The following DCDC1 variants were observed in gnomAD, a reference collection of about 807,000 sequenced individuals.
DCDC1 encodes doublecortin domain containing 1, also known as doublecortin domain-containing protein 1.
Under a neutral mutation model 178.3 loss-of-function variants are expected in DCDC1, and 200 were observed. That is an observed-to-expected ratio of 1.12 (90% CI 1.00 to 1.26). The LOEUF (loss-of-function observed/expected upper bound fraction) is 1.26, where lower values mean the gene tolerates loss of function less well. Ranked by LOEUF, DCDC1 falls within the 50% of genes most tolerant of loss-of-function variation. The pLI is 0.00. For synonymous variants in DCDC1, 690 were observed against 604.8 expected (o/e 1.14, Z -2.07); for missense variants, 1,983 against 1,749.2 (o/e 1.13, Z -2.38).
At chr11:31,054,522 G>A (rs756929741) in intron 20 of DCDC1, among the ~76,000 whole-genome samples, 5 of 152,156 alleles carry the variant, frequency 3.3e-5, no homozygotes, top group East Asian at 1.9e-4. Context: ...AAAAGAGCCC[G>A]TATAGCCAAA....
rs1320189230 is a variant in DCDC1, at chr11:30,888,098, A to G, written c.5082+4720T>C. Among the ~76,000 whole-genome samples the G allele has an allele frequency of 8.9e-3, 940 of 105,330 alleles. 17 individuals are homozygous for G. The highest frequency in any genetic ancestry group is 0.032 in the African/African-American group (869 of 26,762). 69.1% of individuals were successfully genotyped at this position (105,330 alleles called of 152,430 possible). ...AGAGAGAGAGAGAAAGAAAGAAAGA[A>G]AAAGAAAGAAAGAAAGAAAGAAAGA... On this transcript the variant is annotated intron_variant, in intron 36 of 38. Coordinates refer to ENST00000684477, the MANE Select transcript of DCDC1 (RefSeq NM_001387274.1).
chr11:31,028,416 T>C (rs1482161616), intron 20 of DCDC1, among the ~76,000 whole-genome samples: 1 of 151,986 alleles, frequency 6.6e-6, no homozygotes, highest in Admixed American at 6.6e-5. Context: ...TTCTTCTCAC[T>C]ATGCACTCCC....
chr11:31,149,764 T>C (rs1368331079), intron 9 of DCDC1, among the ~76,000 whole-genome samples: 1 of 150,782 alleles, frequency 6.6e-6, no homozygotes, highest in Non-Finnish European at 1.5e-5. Flanking sequence ...GTGGCTTCAC[T>C]CCAGAAGTCA....
intron 7 of DCDC1, among the ~76,000 whole-genome samples, chr11:31,281,782 G>C (rs1946451995): frequency 6.6e-6 from 1 of 152,102 alleles, no homozygotes; most frequent in Non-Finnish European, 1.5e-5. Flanking sequence ...TCTCCCTCTT[G>C]CCACCACCAT....
chr11:31,078,335 G>A (rs893179769), intron 17 of DCDC1, among the ~76,000 whole-genome samples: 1 of 152,148 alleles, frequency 6.6e-6, no homozygotes, highest in African/African-American at 2.4e-5. Context: ...GGAACCTCAC[G>A]TGCCTAATTC....
At chr11:31,299,910 T>G (rs2137522608) in intron 6 of DCDC1, among the ~76,000 whole-genome samples, 1 of 152,234 alleles carries the variant, frequency 6.6e-6, no homozygotes. Context: ...CAAGCTGGAG[T>G]GCAGTGGCAT....
intron 15 of DCDC1, among the ~76,000 whole-genome samples, chr11:31,099,605 G>A (rs1323428334): frequency 6.6e-6 from 1 of 152,112 alleles, no homozygotes; most frequent in African/African-American, 2.4e-5. Flanking sequence ...GGCGCAGAAG[G>A]GAAACGTCAT....
intron 1 of DCDC1, among the ~76,000 whole-genome samples, chr11:31,336,213 G>C (rs1307394623): frequency 2.0e-5 from 3 of 152,200 alleles, no homozygotes; most frequent in Non-Finnish European, 2.9e-5. Context: ...TTTAAATAGG[G>C]TTGTTAGTGT....
At chr11:30,933,086 A>T (rs892232817) in intron 21 of DCDC1, among the ~76,000 whole-genome samples, 1 of 152,040 alleles carries the variant, frequency 6.6e-6, no homozygotes, top group Admixed American at 6.6e-5. Flanking sequence ...ACTGCATGTA[A>T]GTGTAGATCT....
chr11:31,210,536 C>T (rs1374485277), intron 9 of DCDC1, among the ~76,000 whole-genome samples: 1 of 151,890 alleles, frequency 6.6e-6, no homozygotes, highest in East Asian at 1.9e-4. Context: ...TGCGGTGAAA[C>T]CCCGTTTCTA....
chr11:31,308,815 AGAG>A (rs1428620567), intron 3 of DCDC1, among the ~76,000 whole-genome samples: 1 of 152,218 alleles, frequency 6.6e-6, no homozygotes, highest in African/African-American at 2.4e-5. Context: ...GATCACACAT[AGAG>A]GATAGTCAGG....
Position 30,931,773 on chromosome 11 carries a change from C to A in DCDC1, c.2895G>T (p.Thr965=), listed in dbSNP as rs767536745. The A allele has an allele frequency of 1.9e-6, 3 of 1,607,628 alleles. No homozygotes were observed. The highest frequency in any genetic ancestry group is 2.5e-6 in the Non-Finnish European group (3 of 1,176,752). The change falls in exon 22 of 39, where the codon ACG becomes ACT. Residue 965 remains threonine, a splice_region_variant and synonymous_variant. Transcript: ENST00000684477. ...LGPDISPGRK[T]QCTEILNLPS... ...AAGTATGAACAAGTTGTTCTTACTG[C>A]GTTTTCCGTCCAGGTGAGATATCTG... is the stretch of plus-strand genomic sequence containing the variant.
At chr11:31,262,751 G>C (rs1944880227) in intron 8 of DCDC1, 1 of 251,838 alleles carries the variant, frequency 4.0e-6, no homozygotes, top group African/African-American at 2.2e-5. Context: ...TCAATCATTT[G>C]ATGCACAACA....
At chr11:30,885,661 T>G (rs1254446036) in intron 36 of DCDC1, among the ~76,000 whole-genome samples, 2 of 152,098 alleles carry the variant, frequency 1.3e-5, no homozygotes, top group Non-Finnish European at 2.9e-5. Flanking sequence ...TGCAAATATG[T>G]TTTTAAATTT....
intron 9 of DCDC1, among the ~76,000 whole-genome samples, chr11:31,203,909 T>C (rs1971585820): frequency 6.6e-6 from 1 of 152,166 alleles, no homozygotes; most frequent in Non-Finnish European, 1.5e-5. Flanking sequence ...CTTGTAAAAC[T>C]CTCCTTGTGT....
At chr11:30,870,903 T>G (rs2133919170) in intron 38 of DCDC1, among the ~76,000 whole-genome samples, 1 of 152,232 alleles carries the variant, frequency 6.6e-6, no homozygotes, top group Middle Eastern at 3.4e-3. Context: ...TCCTCAGTAG[T>G]GAAGGGAGAA....
chr11:31,171,202 A>C (rs745642241), intron 9 of DCDC1, among the ~76,000 whole-genome samples: 4 of 152,184 alleles, frequency 2.6e-5, no homozygotes, highest in Admixed American at 1.3e-4. Flanking sequence ...AGACCACAGG[A>C]TCCATCACTG....
Position 30,908,966 on chromosome 11 carries a change from C to A in DCDC1, c.3898G>T (p.Glu1300Ter), listed in dbSNP as rs1364026616. ...AGVCTSSVIK[E>*]ENIDQPGYCY... ...CTTACTGGTTGATCAATGTTTTCTT[C>A]TTTAATCACAGATGATGTACAGACA... The change falls in exon 29 of 39, where the codon GAA becomes TAA. Residue 1300 changes from glutamate (E) to a stop codon, truncating the protein, a stop_gained. Transcript: ENST00000684477. LOFTEE classifies it high-confidence loss of function. 4.4e-6 allele frequency: 7 copies of A among 1,602,918 alleles called. No homozygotes were observed. The highest frequency in any genetic ancestry group is 1.7e-4 in the Middle Eastern group (1 of 6,008).
intron 20 of DCDC1, among the ~76,000 whole-genome samples, chr11:30,977,297 G>A (rs2134749788): frequency 6.6e-6 from 1 of 152,284 alleles, no homozygotes; most frequent in Middle Eastern, 3.4e-3. Flanking sequence ...TAGCAACAAT[G>A]TATTGTGCAT....
Sources: gnomAD v4.1 joint callset for allele counts (sites outside exome capture counted in the v4.1 genomes callset) on GRCh38, gnomAD v4.1.1 for gene constraint, MANE v1.5 for transcripts, NCBI Gene and HGNC (gene_info 2026-07-23, HGNC 2026-07-21) for gene names.